The following PLCD4 variants were observed in gnomAD, a reference collection of about 807,000 sequenced individuals.
PLCD4 encodes phospholipase C delta 4, also known as 1-phosphatidylinositol 4,5-bisphosphate phosphodiesterase delta-4.
In PLCD4, 63 loss-of-function variants were observed where a neutral mutation model predicts 90.2. The observed-to-expected ratio is 0.70, with a 90% CI of 0.57 to 0.86. The LOEUF is 0.86. Among genes scored for constraint, PLCD4 ranks in the 40% least tolerant of loss-of-function variants. PLCD4 has a pLI of 0.00. For missense variants in PLCD4, 830 were observed against 956.3 expected (o/e 0.87, Z 1.74); for synonymous variants, 294 against 356.5 (o/e 0.82, Z 1.97).
rs990616431 is a variant in PLCD4, at chr2:218,634,874, T to C, written c.1896+244T>C. ...GCAAAATAGGGGTAACACTACCACC[T>C]GCCTCACAGGGTTATAAGGAGTATA... On this transcript the variant is annotated intron_variant, in intron 13 of 15. Coordinates refer to ENST00000450993, the MANE Select transcript of PLCD4 (RefSeq NM_032726.4). This position sits in a 1 kb window ranked among gnomAD's most constrained non-coding sequence, Gnocchi z 4.0. Among the ~76,000 whole-genome samples the C allele has an allele frequency of 1.3e-5, 2 of 152,220 alleles. No homozygotes were observed. Among genetic ancestry groups the C allele is most frequent in the Admixed American group, 6.5e-5 (1 of 15,280 alleles).
In PLCD4 at chr2:218,607,927, G is replaced by A. The variant is rs1285974780; in HGVS notation, c.-177G>A. On this transcript the variant is annotated 5_prime_UTR_variant, in exon 1 of 16. Coordinates refer to ENST00000450993, the MANE Select transcript of PLCD4 (RefSeq NM_032726.4). ...CACAGCAGCCAGCTGCTGTAGAAGA[G>A]GGGAGGAAACAAGCCAGTGCAAGGG... The A allele has an allele frequency of 1.3e-5, 2 of 152,378 alleles. No individual in the cohort carries two copies. The highest frequency in any genetic ancestry group is 2.9e-5 in the Non-Finnish European group (2 of 68,164). 9.4% of individuals were successfully genotyped at this position (152,378 alleles called of 1,614,324 possible). A position where few individuals can be genotyped will look rare whatever the true frequency, so the allele number is the denominator to read the frequency against.
In PLCD4 at chr2:218,622,857, C is replaced by T. The variant is rs368540513; in HGVS notation, c.751C>T (p.Arg251Cys). Residue 251 changes from arginine (R) to cysteine (C), a missense_variant, in exon 6 of 16, where the codon CGC becomes TGC. Physicochemically the swap from Arg to Cys is radical, Grantham distance 180. Coordinates refer to ENST00000450993, the MANE Select transcript of PLCD4 (RefSeq NM_032726.4). ...TSELALELID[R>C]YEPSDSGKLR... Reference sequence around the variant, plus strand: ...TGAGCTTGCTCTGGAACTCATTGACCGCTATGAACCTTCAGACAGTGGTAA... The same window carrying T: ...TGAGCTTGCTCTGGAACTCATTGACTGCTATGAACCTTCAGACAGTGGTAA... 1.9e-5 allele frequency: 30 copies of T among 1,613,614 alleles called. No individual in the cohort carries two copies. The highest frequency in any genetic ancestry group is 1.6e-4 in the Middle Eastern group (1 of 6,084).
Position 218,634,121 on chromosome 2 carries a change from G to C in PLCD4, c.1623G>C (p.Gln541His). Reference sequence around the variant, plus strand: ...CTTTTACAGGCAATGAGTTTGTGCAGCACAATACTTGGCAGTTAAGCCGTG... The same window carrying C: ...CTTTTACAGGCAATGAGTTTGTGCACCACAATACTTGGCAGTTAAGCCGTG... ...LIKEAGNEFV[Q>H]HNTWQLSRVY... is the part of the protein sequence containing the mutation. The change falls in exon 12 of 16, where the codon CAG becomes CAC. Residue 541 changes from glutamine to histidine, a missense_variant. Gln to His is a conservative substitution (Grantham distance 24). Coordinates refer to ENST00000450993, the MANE Select transcript of PLCD4 (RefSeq NM_032726.4). The surrounding 1 kb of genome is among the most constrained non-coding windows in gnomAD (Gnocchi z 4.0). The C allele has an allele frequency of 6.2e-7, 1 of 1,611,074 alleles. No homozygotes were observed. The highest frequency in any genetic ancestry group is 2.2e-5 in the East Asian group (1 of 44,834).
At chr2:218,627,931 A>C in intron 6 of PLCD4, 98 bp from the exon 7 acceptor site, 2 of 1,134,992 alleles carry the variant, frequency 1.8e-6, no homozygotes, top group Non-Finnish European at 2.5e-6. Context: ...TCTGAAAGGC[A>C]GGGCTCTGGA....
At position 218,622,660 on chromosome 2, in the gene PLCD4, C is replaced by G; in HGVS notation, c.554C>G (p.Ser185Cys). Reference sequence around the variant, plus strand: ...CCTCTCTTGCAGGCAGCAGACACGTCCCAGTCTGGAACCCTGGAAGGAGAA... The same window carrying G: ...CCTCTCTTGCAGGCAGCAGACACGTGCCAGTCTGGAACCCTGGAAGGAGAA... ...AFSLFQAADT[S>C]QSGTLEGEEF... The change falls in exon 6 of 16, where the codon TCC (serine) becomes TGC (cysteine). Residue 185 changes from serine (S) to cysteine (C), a missense_variant. Ser to Cys is a moderately radical substitution (Grantham distance 112, BLOSUM62 -1). Transcript: ENST00000450993. 6.2e-7 allele frequency: 1 copy of G among 1,613,148 alleles called. No homozygotes were observed.
chr2:218,620,760 G>C (rs73077174), intron 4 of PLCD4, among the ~76,000 whole-genome samples: 2,671 of 151,618 alleles, frequency 0.018, 85 homozygotes, highest in African/African-American at 0.061. Flanking sequence ...CAGGTGTGGT[G>C]GTGGGCGCCT....
intron 6 of PLCD4, among the ~76,000 whole-genome samples, chr2:218,627,703 G>GTGGTTTCACC (rs1553575201): frequency 6.6e-6 from 1 of 151,924 alleles, no homozygotes; most frequent in African/African-American, 2.4e-5. Flanking sequence ...TAGTAGAGAT[G>GTGGTTTCACC]GGGTTTCACC....
chr2:218,627,256 G>T (rs963619382), intron 6 of PLCD4, among the ~76,000 whole-genome samples: 5 of 151,274 alleles, frequency 3.3e-5, no homozygotes, highest in African/African-American at 1.2e-4. Context: ...GTGAGACTCT[G>T]TCTCAAAAAT....
chr2:218,632,357 T>G (rs181150746), intron 10 of PLCD4, 45 bp downstream of exon 10: 1 of 1,548,186 alleles, frequency 6.5e-7, no homozygotes, highest in Non-Finnish European at 8.7e-7. Flanking sequence ...AGTCAACTTA[T>G]GCAAGCTGAA....
chr2:218,614,703 G>A (rs527479132), intron 1 of PLCD4, among the ~76,000 whole-genome samples: 52 of 151,616 alleles, frequency 3.4e-4, no homozygotes, highest in Admixed American at 9.9e-4. Flanking sequence ...CGCCAGCCTC[G>A]GCCTCCCAAA....
rs762454603 is a variant in PLCD4 at position 218,618,605 on chromosome 2, C to T, written c.208C>T (p.Arg70Cys). ...SFSISDVETI[R>C]NGHDSELLRS... is the part of the protein sequence containing the mutation. ...CTCAATCTCTGATGTGGAGACAATA[C>T]GTAATGGCCATGATTCCGAGTTGCT... The change falls in exon 4 of 16, where the codon CGT becomes TGT. Residue 70 changes from arginine (R) to cysteine (C), a missense_variant. Physicochemically the swap from Arg to Cys is radical, Grantham distance 180. Coordinates refer to ENST00000450993, the MANE Select transcript of PLCD4 (RefSeq NM_032726.4). 1.5e-5 allele frequency: 24 copies of T among 1,613,928 alleles called. No individual in the cohort carries two copies. Among genetic ancestry groups the T allele is most frequent in the Non-Finnish European group, 1.9e-5 (22 of 1,179,902 alleles).
In PLCD4 at chr2:218,634,525, C is replaced by A; in HGVS notation, c.1791C>A (p.Gly597=). ...DICDGHFRQN[G]GCGYVLKPDF... Reference sequence around the variant, plus strand: ...GTGATGGGCATTTCCGCCAGAATGGCGGCTGTGGCTATGTGCTGAAGCCAG... The same window carrying A: ...GTGATGGGCATTTCCGCCAGAATGGAGGCTGTGGCTATGTGCTGAAGCCAG... The change falls in exon 13 of 16, where the codon GGC becomes GGA. Residue 597 remains glycine (G), a synonymous_variant. Coordinates refer to ENST00000450993, the MANE Select transcript of PLCD4 (RefSeq NM_032726.4). The surrounding 1 kb of genome is among the most constrained non-coding windows in gnomAD (Gnocchi z 4.0). 6.2e-7 allele frequency: 1 copy of A among 1,614,040 alleles called. No individual in the cohort carries two copies. The highest frequency in any genetic ancestry group is 8.5e-7 in the Non-Finnish European group (1 of 1,179,892).
chr2:218,632,339 T>C (rs772101517), intron 10 of PLCD4, 27 bp downstream of exon 10: 5 of 1,579,218 alleles, frequency 3.2e-6, no homozygotes. Flanking sequence ...CTTTCTGCTG[T>C]GGTATTTAGT....
chr2:218,612,323 G>T (rs187193232), intron 1 of PLCD4, among the ~76,000 whole-genome samples: 116 of 152,296 alleles, frequency 7.6e-4, no homozygotes, highest in African/African-American at 2.6e-3. Context: ...AACACTTTGG[G>T]TCCCTTCGTC....
rs1434988229 is a variant in PLCD4 at position 218,635,861 on chromosome 2, G to A, written c.1962G>A (p.Leu654=). 6.2e-7 allele frequency: 1 copy of A among 1,613,988 alleles called. No individual in the cohort carries two copies. Among genetic ancestry groups the A allele is most frequent in the Admixed American group, 1.7e-5 (1 of 60,026 alleles). Residue 654 remains leucine (L), a synonymous_variant, in exon 14 of 16, where the codon CTG becomes CTA. Coordinates refer to ENST00000450993, the MANE Select transcript of PLCD4 (RefSeq NM_032726.4). ...KTKEGSIVDP[L]VKVQIFGVRL... is the part of the protein sequence containing the mutation. ...AAGAGGGGTCCATTGTGGATCCACT[G>A]GTGAAAGTGCAGATCTTTGGCGTTC...
At position 218,628,534 on chromosome 2, in the gene PLCD4, G is replaced by T. The variant is rs1315281852; in HGVS notation, c.974+304G>T. The T allele has an allele frequency of 2.2e-5, 6 of 275,898 alleles. No individual in the cohort carries two copies. In the South Asian group the frequency reaches 3.2e-4, roughly 15 times the overall value. 17.1% of individuals were successfully genotyped at this position (275,898 alleles called of 1,614,324 possible). On this transcript the variant is annotated intron_variant, in intron 7 of 15. Transcript: ENST00000450993. The stretch of plus-strand genomic sequence containing the variant: ...TTAAATGGAAGGCAATAGAGAATAG[G>T]AGTTAAAAATATAGGTTCTGGAGTC...
intron 3 of PLCD4, among the ~76,000 whole-genome samples, chr2:218,617,720 C>T (rs1027563862): frequency 6.6e-6 from 1 of 152,172 alleles, no homozygotes; most frequent in Non-Finnish European, 1.5e-5. Flanking sequence ...TCCATACCGC[C>T]CCCAGCTGAG....
At chr2:218,624,719 CAA>C (rs766656849) in intron 6 of PLCD4, among the ~76,000 whole-genome samples, 18 of 57,988 alleles carry the variant, frequency 3.1e-4, no homozygotes, top group Admixed American at 3.8e-4. Flanking sequence ...GACTCTGTCT[CAA>C]AAAAAAAAAA....
At chr2:218,611,920 C>CTTTCT (rs1057456017) in intron 1 of PLCD4, among the ~76,000 whole-genome samples, 34 of 149,502 alleles carry the variant, frequency 2.3e-4, no homozygotes, top group Admixed American at 9.4e-4. Flanking sequence ...AGGTCTGTTG[C>CTTTCT]TTTCTTTTCT....
Sources: allele counts gnomAD v4.1 joint callset (sites outside exome capture counted in the v4.1 genomes callset), GRCh38; gene constraint gnomAD v4.1.1; non-coding constraint Gnocchi (gnomAD v3.1); transcripts MANE v1.5; gene names NCBI Gene and HGNC (gene_info 2026-07-23, HGNC 2026-07-21).